FAM221A: variants seen among roughly 807,000 people sequenced by gnomAD.
FAM221A encodes the protein protein FAM221A.
FAM221A carries 43 observed loss-of-function variants against 37.6 expected under a neutral mutation model. That is an observed-to-expected ratio of 1.15 (90% CI 0.90 to 1.48). The LOEUF is 1.48. Among genes scored for constraint, FAM221A ranks in the 40% most tolerant of loss-of-function variants. The pLI is 0.00. For synonymous variants in FAM221A, 135 were observed against 132.9 expected, an observed-to-expected ratio of 1.02 and a Z score of -0.11; for missense variants, 361 against 361.5, an observed-to-expected ratio of 1.00 and a Z score of 0.01.
intron 1 of FAM221A, among the ~76,000 whole-genome samples, chr7:23,681,909 G>C (rs1784062806): frequency 6.6e-6 from 1 of 152,138 alleles, no homozygotes; most frequent in East Asian, 1.9e-4. Flanking sequence ...TCCTTCCGAA[G>C]AGTTTTCCTG....
chr7:23,698,312 A>C lies in FAM221A; in HGVS notation c.745+13A>C, dbSNP rs770169645. Reference sequence around the variant, plus strand: ...ACGTTAACAGATGGTAATGAAATGAAGTTTAGAACTGTTTTTGGATGTAGT... The same window carrying C: ...ACGTTAACAGATGGTAATGAAATGACGTTTAGAACTGTTTTTGGATGTAGT... On this transcript the variant is annotated intron_variant, in intron 5 of 6. Coordinates refer to ENST00000344962, the MANE Select transcript of FAM221A (RefSeq NM_199136.5). The C allele has an allele frequency of 1.0e-5, 14 of 1,393,230 alleles. No individual in the cohort carries two copies. In the East Asian group the frequency reaches 2.9e-4, roughly 28 times the overall value. The allele number at this position is 1,393,230 out of a possible 1,614,324, so 86.3% of individuals were successfully genotyped here.
intron 3 of FAM221A, 96 bp downstream of exon 3, chr7:23,689,555 C>A: frequency 2.3e-6 from 2 of 880,612 alleles, no homozygotes; most frequent in Non-Finnish European, 1.6e-6. Flanking sequence ...AGTTAATATT[C>A]AGTTGTATTA....
rs760480959 is a variant in FAM221A, at chr7:23,700,768, A to G, written c.746-18A>G. 13 of 1,498,916 alleles carry G rather than the reference A, an allele frequency of 8.7e-6. No homozygotes were observed. Among genetic ancestry groups the G allele is most frequent in the Non-Finnish European group, 1.2e-5 (13 of 1,095,974 alleles). 92.9% of individuals were successfully genotyped at this position (1,498,916 alleles called of 1,614,324 possible). ...GTAATGATATAAATACATTACTTAG[A>G]TTTTTTTTCCTTGTTAGTAGGTACA... On this transcript the variant is annotated intron_variant, in intron 5 of 6. Coordinates refer to ENST00000344962, the MANE Select transcript of FAM221A (RefSeq NM_199136.5).
At chr7:23,700,759 ATTAC>A in intron 5 of FAM221A, 23 bp from the exon 6 acceptor site, 2 of 1,394,244 alleles carry the variant, frequency 1.4e-6, no homozygotes, top group Non-Finnish European at 2.0e-6. Flanking sequence ...ATATAAATAC[ATTAC>A]TTAGATTTTT....
At position 23,680,227 on chromosome 7, in the gene FAM221A, GT is replaced by G. The variant is rs1562511648; in HGVS notation, c.11del (p.Leu4Ter). On this transcript the variant is annotated frameshift_variant, in exon 1 of 7. Transcript: ENST00000344962. LOFTEE classifies it high-confidence loss of function. ...TGGCTTCCCCACCGGCAATGGAGCG[GT>G]TGACGTTGCCTCTCGGCGGCGCGGC... MER[L>X]TLPLGGAAAV... 6.5e-7 allele frequency: 1 copy of G among 1,549,956 alleles called. No individual in the cohort carries two copies.
chr7:23,691,327 G>A lies in FAM221A; in HGVS notation c.431-63G>A, dbSNP rs1194368684. 60 of 1,526,860 alleles carry A rather than the reference G, an allele frequency of 3.9e-5. No individual in the cohort carries two copies. In the Admixed American group the frequency reaches 4.9e-4, roughly 12 times the overall value. 94.6% of individuals were successfully genotyped at this position (1,526,860 alleles called of 1,614,324 possible). ...GTTCAGCTGGCTTTTGCCAGGCTAA[G>A]TGTCTTTAGGGTAGACAACATAGTA... On this transcript the variant is annotated intron_variant, in intron 3 of 6. Coordinates refer to ENST00000344962, the MANE Select transcript of FAM221A (RefSeq NM_199136.5).
intron 4 of FAM221A, chr7:23,694,909 T>C (rs919860370): frequency 6.6e-6 from 1 of 152,268 alleles, no homozygotes; most frequent in African/African-American, 2.4e-5. Flanking sequence ...CATCATTTTG[T>C]TAAGGTATTA....
chr7:23,691,203 G>C (rs1334629925), intron 3 of FAM221A, among the ~76,000 whole-genome samples, 187 bp from the exon 4 acceptor site: 1 of 150,160 alleles, frequency 6.7e-6, no homozygotes, highest in Non-Finnish European at 1.5e-5. Context: ...TTTCTGTGTT[G>C]TATCTGGTTA....
intron 3 of FAM221A, among the ~76,000 whole-genome samples, chr7:23,690,208 T>G (rs1424365839): frequency 7.1e-6 from 1 of 140,306 alleles, no homozygotes; most frequent in Non-Finnish European, 1.5e-5. Flanking sequence ...TATTTTTTTT[T>G]TTTTTAATAG....
At position 23,692,360 on chromosome 7, in the gene FAM221A, A is replaced by C. The variant is rs1158379726; in HGVS notation, c.637+764A>C. 7.6e-6 allele frequency: 3 copies of C among 393,486 alleles called. No individual in the cohort carries two copies. The East Asian group carries it at 4.9e-4, about 65-fold the overall frequency. The allele number at this position is 393,486 out of a possible 1,614,324, so 24.4% of individuals were successfully genotyped here. On this transcript the variant is annotated intron_variant, in intron 4 of 6. Coordinates refer to ENST00000344962, the MANE Select transcript of FAM221A (RefSeq NM_199136.5). ...CTTTTCTTTTCTTTTTTTTTTTTTG[A>C]GACGGAGTTTTGCTCTTCTTGCCCA...
intron 6 of FAM221A, among the ~76,000 whole-genome samples, chr7:23,701,519 A>T (rs538207903): frequency 6.6e-6 from 1 of 152,140 alleles, no homozygotes; most frequent in Non-Finnish European, 1.5e-5. Context: ...GATTACAGGC[A>T]TGAGCCACCG....
At chr7:23,682,440 T>TTATTA (rs67207532) in intron 1 of FAM221A, among the ~76,000 whole-genome samples, 4 of 31,196 alleles carry the variant, frequency 1.3e-4, no homozygotes, top group African/African-American at 3.6e-4. Flanking sequence ...ATTATTATTA[T>TTATTA]TTTTTTTTTT....
chr7:23,680,838 G>C (rs773299779), intron 1 of FAM221A: 1 of 152,302 alleles, frequency 6.6e-6, no homozygotes, highest in Non-Finnish European at 1.5e-5. Context: ...GCAGCGACGC[G>C]CTCTTTTTCC....
rs1785499205 is a variant in FAM221A, at chr7:23,702,151, C to G, written c.884C>G (p.Thr295Arg). 8.1e-6 allele frequency: 13 copies of G among 1,595,870 alleles called. No individual in the cohort carries two copies. Among genetic ancestry groups the G allele is most frequent in the Non-Finnish European group, 1.1e-5 (13 of 1,170,602 alleles). Residue 295 changes from threonine to arginine, a missense_variant, in exon 7 of 7, where the codon ACA (threonine) becomes AGA (arginine). By Grantham distance (71) the Thr-to-Arg change is moderately conservative. Transcript: ENST00000344962. Reference sequence around the variant, plus strand: ...GGAAAAGCTCCATTGCCATCAGCTACAAAACCTTCATGAAGACTATTGGAG... The same window carrying G: ...GGAAAAGCTCCATTGCCATCAGCTAGAAAACCTTCATGAAGACTATTGGAG... ...WKGKAPLPSA[T>R]KPS is the part of the protein sequence containing the mutation.
intron 2 of FAM221A, chr7:23,686,378 C>CT (rs1784372298): frequency 2.9e-6 from 1 of 343,202 alleles, no homozygotes; most frequent in Non-Finnish European, 5.7e-6. Flanking sequence ...ATCCTTCGAC[C>CT]TCAGCCTCCC....
chr7:23,698,901 A>G (rs534590812), intron 5 of FAM221A, among the ~76,000 whole-genome samples: 2 of 152,340 alleles, frequency 1.3e-5, no homozygotes, highest in Admixed American at 1.3e-4. Context: ...TTAGTACATA[A>G]TGATAAAATA....
intron 1 of FAM221A, among the ~76,000 whole-genome samples, chr7:23,681,753 T>C (rs1738435314): frequency 6.6e-6 from 1 of 152,154 alleles, no homozygotes; most frequent in Admixed American, 6.5e-5. Flanking sequence ...CACTTCCCTC[T>C]GAAAGAGATT....
At chr7:23,686,606 A>AC in intron 2 of FAM221A, 1 of 178,532 alleles carries the variant, frequency 5.6e-6, no homozygotes, top group Non-Finnish European at 1.2e-5. Context: ...TATATTTAGT[A>AC]CTGATCCACT....
Position 23,702,257 on chromosome 7 carries a change from CTTT to C in FAM221A, c.*102_*104del. On this transcript the variant is annotated 3_prime_UTR_variant, in exon 7 of 7. Transcript: ENST00000344962. ...AGTTTATTTTTCCTGAAATTATTTA[CTTT>C]TTTTTTTTACTGTATAAATGTCTTT... 6.5e-6 allele frequency: 4 copies of C among 613,060 alleles called. No individual in the cohort carries two copies. The highest frequency in any genetic ancestry group is 4.0e-5 in the East Asian group (1 of 25,152). 38.0% of individuals were successfully genotyped at this position (613,060 alleles called of 1,614,324 possible).
Sources: allele counts gnomAD v4.1 joint callset (sites outside exome capture counted in the v4.1 genomes callset), GRCh38; gene constraint gnomAD v4.1.1; transcripts MANE v1.5; gene names NCBI Gene and HGNC (gene_info 2026-07-23, HGNC 2026-07-21).